The following MON2 variants were observed in gnomAD, a reference collection of about 807,000 sequenced individuals.
The protein encoded by MON2 is MON2 regulator of endosome-to-Golgi trafficking, also known as protein MON2 homolog.
A neutral mutation model predicts 208.6 loss-of-function variants in MON2; 84 were observed. That is an observed-to-expected ratio of 0.40 (90% CI 0.34 to 0.48). The LOEUF (loss-of-function observed/expected upper bound fraction) is 0.48. MON2 is among the 20% of genes least tolerant of loss of function. The probability of loss-of-function intolerance (pLI) is 0.59; values close to 1 mark genes in which losing one functional copy is unlikely to be tolerated. For missense variants in MON2, 1,611 were observed against 2,015.4 expected, an observed-to-expected ratio of 0.80 and a Z score of 3.84; for synonymous variants, 660 against 694.0, an observed-to-expected ratio of 0.95 and a Z score of 0.77.
Position 62,498,948 on chromosome 12 carries a change from C to T in MON2, c.465C>T (p.Phe155=), listed in dbSNP as rs1223210373. 2 of 1,608,826 alleles carry T rather than the reference C, an allele frequency of 1.2e-6. No individual in the cohort carries two copies. The highest frequency in any genetic ancestry group is 1.7e-5 in the Admixed American group (1 of 58,972). Residue 155 remains phenylalanine (F), a synonymous_variant, in exon 5 of 35, where the codon TTC becomes TTT. Coordinates refer to ENST00000393630, the MANE Select transcript of MON2 (RefSeq NM_015026.3). Reference sequence around the variant, plus strand: ...TCGTTCTTTGTTTTCGACTACACTTCACAAAAGATAATATTACAAATAATA... The same window carrying T: ...TCGTTCTTTGTTTTCGACTACACTTTACAAAAGATAATATTACAAATAATA... ...KAIVLCFRLH[F]TKDNITNNTA... is the part of the protein sequence containing the mutation.
intron 8 of MON2, among the ~76,000 whole-genome samples, chr12:62,518,732 C>T (rs2071835722): frequency 6.6e-6 from 1 of 152,142 alleles, no homozygotes; most frequent in Non-Finnish European, 1.5e-5. Context: ...TCCTGCTTTA[C>T]TTGTGAACTG....
At chr12:62,512,030 T>C (rs2071433014) in intron 8 of MON2, among the ~76,000 whole-genome samples, 1 of 152,168 alleles carries the variant, frequency 6.6e-6, no homozygotes, top group Non-Finnish European at 1.5e-5. Context: ...TGAGACTTAC[T>C]ATCATGAGAA....
chr12:62,468,598 G>C (rs1302746340), intron 1 of MON2, among the ~76,000 whole-genome samples: 2 of 152,120 alleles, frequency 1.3e-5, no homozygotes, highest in Admixed American at 1.3e-4. Context: ...GTATTACCCA[G>C]TGATGGAAAC....
chr12:62,492,395 C>T (rs1468475477), intron 2 of MON2, among the ~76,000 whole-genome samples: 1 of 118,038 alleles, frequency 8.5e-6, no homozygotes, highest in Non-Finnish European at 1.7e-5. Flanking sequence ...GACGGAGTCT[C>T]GCTCTGTCGC....
Position 62,494,004 on chromosome 12 carries a change from G to T in MON2, c.265G>T (p.Ala89Ser), listed in dbSNP as rs1370189742. 2 of 1,613,014 alleles carry T rather than the reference G, an allele frequency of 1.2e-6. No homozygotes were observed. Among genetic ancestry groups the T allele is most frequent in the African/African-American group, 2.7e-5 (2 of 74,902 alleles). Residue 89 changes from alanine to serine, a missense_variant, in exon 3 of 35, where the codon GCT (alanine) becomes TCT (serine). Physicochemically the swap from Ala to Ser is moderately conservative, Grantham distance 99. Coordinates refer to ENST00000393630, the MANE Select transcript of MON2 (RefSeq NM_015026.3). ...EPKITQLCLA[A>S]IQRLMSHEVV... ...GAAGATCACTCAGCTATGTTTGGCT[G>T]CTATTCAGAGACTCATGTCACATGA...
Position 62,496,140 on chromosome 12 carries a change from T to A in MON2, c.435+993T>A, listed in dbSNP as rs536033214. On this transcript the variant is annotated intron_variant, in intron 4 of 34. Transcript: ENST00000393630. Reference sequence around the variant, plus strand: ...TACTATATCAAGTGATGTTCTTAGATCATAATGAGATTTTAACTGCAAATA... The same window carrying A: ...TACTATATCAAGTGATGTTCTTAGAACATAATGAGATTTTAACTGCAAATA... Among the ~76,000 whole-genome samples the A allele has an allele frequency of 1.2e-4, 19 of 152,230 alleles. No individual in the cohort carries two copies. The East Asian group carries it at 3.7e-3, about 29-fold the overall frequency.
chr12:62,566,071 A>G, intron 28 of MON2, 40 bp downstream of exon 28: 1 of 1,581,436 alleles, frequency 6.3e-7, no homozygotes, highest in Admixed American at 1.7e-5. Flanking sequence ...CCTCTTGGCA[A>G]CAAATAAAGT....
chr12:62,496,796 C>T lies in MON2; in HGVS notation c.435+1649C>T, dbSNP rs376789147. On this transcript the variant is annotated intron_variant, in intron 4 of 34. Coordinates refer to ENST00000393630, the MANE Select transcript of MON2 (RefSeq NM_015026.3). ...TAGAAATACCATTTGACCCAGCCATCCCATTACTGGGTATATACCCAAAGG... is the reference window on the plus strand; with the variant it reads ...TAGAAATACCATTTGACCCAGCCATTCCATTACTGGGTATATACCCAAAGG... Among the ~76,000 whole-genome samples the T allele has an allele frequency of 6.6e-5, 10 of 152,066 alleles. No individual in the cohort carries two copies. In the East Asian group the frequency reaches 7.8e-4, roughly 12 times the overall value.
intron 7 of MON2, among the ~76,000 whole-genome samples, chr12:62,507,381 T>A (rs989962613): frequency 6.6e-6 from 1 of 151,774 alleles, no homozygotes; most frequent in Non-Finnish European, 1.5e-5. Context: ...AGTGGTGTGA[T>A]CATGGCTCAC....
chr12:62,592,981 G>A lies in MON2; in HGVS notation c.*232G>A, dbSNP rs74095830. 853 of 385,366 alleles carry A rather than the reference G, an allele frequency of 2.2e-3. 8 individuals carry two copies. The highest frequency in any genetic ancestry group is 0.016 in the African/African-American group (821 of 50,754). 23.9% of individuals were successfully genotyped at this position (385,366 alleles called of 1,614,324 possible). ...TTTAATAAATTAAACTGATGGGAGGGATAATTAACACTACAGTATACATGC... is the reference window on the plus strand; with the variant it reads ...TTTAATAAATTAAACTGATGGGAGGAATAATTAACACTACAGTATACATGC... On this transcript the variant is annotated 3_prime_UTR_variant, in exon 35 of 35. Coordinates refer to ENST00000393630, the MANE Select transcript of MON2 (RefSeq NM_015026.3).
chr12:62,578,105 C>T (rs1447445596), intron 30 of MON2, among the ~76,000 whole-genome samples: 1 of 152,146 alleles, frequency 6.6e-6, no homozygotes, highest in Non-Finnish European at 1.5e-5. Flanking sequence ...TAAGTGAATT[C>T]AGGTAACACC....
At chr12:62,469,882 T>TTTTTTTTATTTATTTA (rs1555229882) in intron 1 of MON2, among the ~76,000 whole-genome samples, 3 of 117,866 alleles carry the variant, frequency 2.5e-5, no homozygotes, top group East Asian at 5.4e-4. Flanking sequence ...TTGACTATTA[T>TTTTTTTTATTTATTTA]TTTATTTATT....
At chr12:62,518,090 G>A (rs1229672702) in intron 8 of MON2, among the ~76,000 whole-genome samples, 2 of 152,178 alleles carry the variant, frequency 1.3e-5, no homozygotes, top group Non-Finnish European at 2.9e-5. Flanking sequence ...GTTTGCAGAT[G>A]TCTGTCTTCT....
At chr12:62,546,842 G>A (rs1437859817) in intron 21 of MON2, 55 bp from the exon 22 acceptor site, 2 of 1,332,010 alleles carry the variant, frequency 1.5e-6, no homozygotes, top group East Asian at 2.5e-5. Context: ...CAACAGTAAA[G>A]CCTTCTTGTC....
At chr12:62,514,850 A>T (rs1475885452) in intron 8 of MON2, among the ~76,000 whole-genome samples, 1 of 152,264 alleles carries the variant, frequency 6.6e-6, no homozygotes, top group Non-Finnish European at 1.5e-5. Context: ...TCCAAAGAAG[A>T]TATACCAATG....
chr12:62,524,441 TTAAGAA>T, intron 8 of MON2, 68 bp from the exon 9 acceptor site: 1 of 1,270,456 alleles, frequency 7.9e-7, no homozygotes, highest in Non-Finnish European at 1.1e-6. Flanking sequence ...TAGCACTAAG[TTAAGAA>T]TAAGAACACA....
chr12:62,481,466 CA>C (rs1354662901), intron 1 of MON2, among the ~76,000 whole-genome samples: 4 of 141,706 alleles, frequency 2.8e-5, no homozygotes, highest in African/African-American at 1.1e-4. Context: ...GCGGAGCTTG[CA>C]GTGAGCAGAG....
chr12:62,515,730 G>T (rs1440093893), intron 8 of MON2, among the ~76,000 whole-genome samples: 2 of 151,946 alleles, frequency 1.3e-5, no homozygotes, highest in South Asian at 2.1e-4. Context: ...CAGGAGAATT[G>T]CTTGAATCTG....
At chr12:62,590,243 A>G (rs576752592) in intron 34 of MON2, among the ~76,000 whole-genome samples, 4 of 152,090 alleles carry the variant, frequency 2.6e-5, no homozygotes, top group Admixed American at 6.5e-5. Flanking sequence ...GATACGTGCC[A>G]CCACACTCTG....
Sources: allele counts gnomAD v4.1 joint callset (sites outside exome capture counted in the v4.1 genomes callset), GRCh38; gene constraint gnomAD v4.1.1; transcripts MANE v1.5; gene names NCBI Gene and HGNC (gene_info 2026-07-23, HGNC 2026-07-21).